KIF1C: variants seen among roughly 807,000 people sequenced by gnomAD.
KIF1C encodes kinesin-like protein KIF1C.
A neutral mutation model predicts 126.5 loss-of-function variants in KIF1C; 61 were observed. That is an observed-to-expected ratio of 0.48 (90% CI 0.39 to 0.60). The LOEUF (loss-of-function observed/expected upper bound fraction) is 0.60, where lower values mean the gene tolerates loss of function less well. Ranked by LOEUF, KIF1C falls within the 20% of genes least tolerant of loss-of-function variation. KIF1C has a pLI of 0.00. For synonymous variants in KIF1C, 640 were observed against 580.6 expected (o/e 1.10, Z -1.47); for missense variants, 1,315 against 1,489.2 (o/e 0.88, Z 1.93).
chr17:5,001,931 T>A, intron 5 of KIF1C, 128 bp from the exon 6 acceptor site: 2 of 800,448 alleles, frequency 2.5e-6, no homozygotes, highest in Non-Finnish European at 2.1e-6. Flanking sequence ...GAAATGGGAA[T>A]AACCCCTCCC....
chr17:5,003,995 C>T lies in KIF1C; in HGVS notation c.865-3C>T. ...TAACCTCCTTCCTCCTTTTATCCCC[C>T]AGCAATCAAAGAAGCGAAAGTCGGA... On this transcript the variant is annotated splice_polypyrimidine_tract_variant and splice_region_variant and intron_variant, in intron 10 of 22. Transcript: ENST00000320785. 1 of 1,613,686 alleles carries T rather than the reference C, an allele frequency of 6.2e-7. No individual in the cohort carries two copies. Among genetic ancestry groups the T allele is most frequent in the Non-Finnish European group, 8.5e-7 (1 of 1,179,666 alleles).
At chr17:5,005,650 CT>C (rs541600339) in intron 13 of KIF1C, among the ~76,000 whole-genome samples, 293 of 152,114 alleles carry the variant, frequency 1.9e-3, no homozygotes, top group African/African-American at 6.5e-3. Context: ...GCAGTAAGGA[CT>C]TTTTATCCCA....
intron 18 of KIF1C, 119 bp from the exon 19 acceptor site, chr17:5,019,876 TG>T: frequency 1.4e-6 from 1 of 721,474 alleles, no homozygotes. Flanking sequence ...CTACAGGTAC[TG>T]GGGGTGGGAC....
At position 5,004,550 on chromosome 17, in the gene KIF1C, A is replaced by G. The variant is rs202231042; in HGVS notation, c.941-17A>G. The G allele has an allele frequency of 1.9e-6, 3 of 1,613,158 alleles. No homozygotes were observed. Among genetic ancestry groups the G allele is most frequent in the Non-Finnish European group, 2.5e-6 (3 of 1,179,294 alleles). ...CCCCTCCCTCAGCTGAAGCTTTTCC[A>G]TGCACTCCATTCACAGGGGGGAACT... On this transcript the variant is annotated splice_polypyrimidine_tract_variant and intron_variant, in intron 11 of 22. Transcript: ENST00000320785.
Position 5,013,741 on chromosome 17 carries a change from T to C in KIF1C, c.1571+9T>C, listed in dbSNP as rs1181461642. On this transcript the variant is annotated intron_variant, in intron 17 of 22. Transcript: ENST00000320785. ...AAAGATGGCGTCACCAGGTAGCGTG[T>C]ACCCAGCGGCCTGGGGGGCAGCCTC... is the stretch of plus-strand genomic sequence containing the variant. 1.2e-6 allele frequency: 2 copies of C among 1,610,736 alleles called. No homozygotes were observed. Among genetic ancestry groups the C allele is most frequent in the African/African-American group, 2.7e-5 (2 of 74,842 alleles).
chr17:5,019,577 G>A (rs752803045), intron 18 of KIF1C: 1 of 200,780 alleles, frequency 5.0e-6, no homozygotes, highest in Non-Finnish European at 1.1e-5. Context: ...GAGGCAGAGG[G>A]GTGGGCTACA....
chr17:5,020,042 T>A lies in KIF1C; in HGVS notation c.1713T>A (p.Asn571Lys). The change falls in exon 19 of 23, where the codon AAT becomes AAA. Residue 571 changes from asparagine to lysine, a missense_variant. Physicochemically the swap from Asn to Lys is moderately conservative, Grantham distance 94. This residue lies in a region of KIF1C where 874 missense variants were observed against 1,053.2 expected (regional missense o/e 0.83). Transcript: ENST00000320785. This position sits in a 1 kb window ranked among gnomAD's most constrained non-coding sequence, Gnocchi z 5.8. ...EPCEGAETYV[N>K]GKLVTEPLVL... ...GTGAAGGAGCTGAGACATATGTGAA[T>A]GGGAAGCTTGTGACGGAGCCGCTGG... The A allele has an allele frequency of 6.2e-7, 1 of 1,604,552 alleles. No individual in the cohort carries two copies. Among genetic ancestry groups the A allele is most frequent in the South Asian group, 1.1e-5 (1 of 89,110 alleles).
At position 5,005,124 on chromosome 17, in the gene KIF1C, A is replaced by G; in HGVS notation, c.1165+124A>G. The stretch of plus-strand genomic sequence containing the variant: ...ACACTATGAAACCTTTCATGTGCTC[A>G]GTGACGTGGACACAGATGTGGAGAG... On this transcript the variant is annotated intron_variant, in intron 13 of 22. Transcript: ENST00000320785. 6 of 1,197,498 alleles carry G rather than the reference A, an allele frequency of 5.0e-6. No individual in the cohort carries two copies. The South Asian group carries it at 8.4e-5, about 17-fold the overall frequency. 74.2% of individuals were successfully genotyped at this position (1,197,498 alleles called of 1,614,324 possible). A position where few individuals can be genotyped will look rare whatever the true frequency, so the allele number is the denominator to read the frequency against.
intron 17 of KIF1C, among the ~76,000 whole-genome samples, chr17:5,014,005 G>C (rs1974921556): frequency 6.6e-6 from 1 of 152,234 alleles, no homozygotes; most frequent in African/African-American, 2.4e-5. Flanking sequence ...CTCATTCTTA[G>C]ACCCTGATGC....
At chr17:5,017,939 A>C (rs1975010585) in intron 18 of KIF1C, among the ~76,000 whole-genome samples, 1 of 151,834 alleles carries the variant, frequency 6.6e-6, no homozygotes, top group African/African-American at 2.4e-5. Flanking sequence ...ACCCAGCCCC[A>C]CTTTCCCTGC....
In KIF1C at chr17:5,001,414, C is replaced by A; in HGVS notation, c.363+13C>A. 1 of 1,612,220 alleles carries A rather than the reference C, an allele frequency of 6.2e-7. No homozygotes were observed. Among genetic ancestry groups the A allele is most frequent in the Non-Finnish European group, 8.5e-7 (1 of 1,178,850 alleles). On this transcript the variant is annotated intron_variant, in intron 5 of 22. Transcript: ENST00000320785. The stretch of plus-strand genomic sequence containing the variant: ...CATCGTGCCCCAGGTACGCCTAGGA[C>A]CTGGTGGGGCAGCCAGGGCAGGAGC...
At chr17:5,007,631 T>C in intron 16 of KIF1C, 89 bp downstream of exon 16, 1 of 1,086,494 alleles carries the variant, frequency 9.2e-7, no homozygotes, top group Non-Finnish European at 1.3e-6. Flanking sequence ...GTGCTGTCCC[T>C]GATCGCTCCC....
At chr17:5,006,141 A>C (rs1362239040) in intron 13 of KIF1C, among the ~76,000 whole-genome samples, 1 of 145,666 alleles carries the variant, frequency 6.9e-6, no homozygotes, top group African/African-American at 2.5e-5. Flanking sequence ...CAGGAGGTGG[A>C]GGTTGCGGTG....
intron 16 of KIF1C, 129 bp from the exon 17 acceptor site, chr17:5,013,524 C>A: frequency 1.5e-6 from 1 of 675,416 alleles, no homozygotes; most frequent in South Asian, 1.7e-5. Flanking sequence ...GGCAGGAGAG[C>A]TCTCCAGAGT....
intron 16 of KIF1C, chr17:5,011,727 C>T (rs537139316): frequency 6.6e-6 from 1 of 152,244 alleles, no homozygotes; most frequent in Admixed American, 6.5e-5. Context: ...TACACAGACA[C>T]CTCTGGGGGA....
intron 1 of KIF1C, among the ~76,000 whole-genome samples, chr17:4,999,269 T>C (rs3809846): frequency 0.083 from 12,662 of 152,220 alleles, 696 homozygotes; most frequent in Non-Finnish European, 0.11. Flanking sequence ...TGCATGGAGG[T>C]TGTGGGCCTC....
Position 5,028,020 on chromosome 17 carries a change from TCTC to T in KIF1C, c.*3873_*3875del, listed in dbSNP as rs1228997198. ...ACCTCGCTTAGAATCCATGGGGCCT[TCTC>T]CTCAAATTCAATCTTCCCAGGCATT... On this transcript the variant is annotated 3_prime_UTR_variant, in exon 23 of 23. Coordinates refer to ENST00000320785, the MANE Select transcript of KIF1C (RefSeq NM_006612.6). 13 of 152,202 alleles carry T rather than the reference TCTC, an allele frequency of 8.5e-5. No individual in the cohort carries two copies. The highest frequency in any genetic ancestry group is 3.4e-3 in the Middle Eastern group (1 of 294). 9.4% of individuals were successfully genotyped at this position (152,202 alleles called of 1,614,324 possible).
In KIF1C at chr17:5,020,657, T is replaced by C; in HGVS notation, c.1916T>C (p.Ile639Thr). The C allele has an allele frequency of 1.2e-6, 2 of 1,613,926 alleles. No homozygotes were observed. Among genetic ancestry groups the C allele is most frequent in the Non-Finnish European group, 1.7e-6 (2 of 1,179,884 alleles). ...CTGCTGGAGCAGCAAGGCATCGACA[T>C]AAAGCTGGAAATGGAGAAGAGGTGC... ...KELLEQQGID[I>T]KLEMEKRLQD... is the part of the protein sequence containing the mutation. The change falls in exon 20 of 23, where the codon ATA (isoleucine) becomes ACA (threonine). Residue 639 changes from isoleucine (I) to threonine (T), a missense_variant. Coordinates refer to ENST00000320785, the MANE Select transcript of KIF1C (RefSeq NM_006612.6). This position sits in a 1 kb window ranked among gnomAD's most constrained non-coding sequence, Gnocchi z 5.8.
Position 5,013,697 on chromosome 17 carries a change from G to A in KIF1C, c.1536G>A (p.Glu512=). The change falls in exon 17 of 23, where the codon GAG becomes GAA. Residue 512 remains glutamate (E), a synonymous_variant. Transcript: ENST00000320785. ...VNLNEDPLMS[E]CLLYHIKDGV... is the part of the protein sequence containing the mutation. ...TGAACGAAGACCCTCTGATGTCTGAGTGTCTGCTCTACCACATCAAAGATG... is the reference window on the plus strand; with the variant it reads ...TGAACGAAGACCCTCTGATGTCTGAATGTCTGCTCTACCACATCAAAGATG... 1.2e-6 allele frequency: 2 copies of A among 1,613,880 alleles called. No individual in the cohort carries two copies. Among genetic ancestry groups the A allele is most frequent in the South Asian group, 1.1e-5 (1 of 91,078 alleles).
Sources: allele counts gnomAD v4.1 joint callset (sites outside exome capture counted in the v4.1 genomes callset), GRCh38; gene constraint gnomAD v4.1.1; regional missense constraint gnomAD v4.1.1; non-coding constraint Gnocchi (gnomAD v3.1); transcripts MANE v1.5; gene names NCBI Gene and HGNC (gene_info 2026-07-23, HGNC 2026-07-21).